The following TET2 variants were observed in gnomAD, a reference collection of about 807,000 sequenced individuals.
TET2 encodes methylcytosine dioxygenase TET2.
A neutral mutation model predicts 142.9 loss-of-function variants in TET2; 299 were observed. That is an observed-to-expected ratio of 2.09 (90% CI 1.90 to 2.30). TET2 has a LOEUF of 2.30. Ranked by LOEUF, TET2 falls within the 30% of genes most tolerant of loss-of-function variation. The probability of loss-of-function intolerance (pLI) is 0.00; values close to 1 mark genes in which losing one functional copy is unlikely to be tolerated. For missense variants in TET2, 2,418 were observed against 2,378.0 expected (o/e 1.02, Z -0.35); for synonymous variants, 819 against 849.0 (o/e 0.96, Z 0.61).
At chr4:105,224,667 A>G (rs1026119462) in intron 2 of TET2, among the ~76,000 whole-genome samples, 2 of 140,654 alleles carry the variant, frequency 1.4e-5, no homozygotes, top group African/African-American at 5.4e-5. Flanking sequence ...AGGTTAACAT[A>G]ATTGACATAT....
chr4:105,212,320 G>T (rs1727218761), intron 2 of TET2, among the ~76,000 whole-genome samples: 1 of 152,158 alleles, frequency 6.6e-6, no homozygotes, highest in South Asian at 2.1e-4. Flanking sequence ...TTGAGGTCCA[G>T]CAGACTTTCA....
intron 1 of TET2, among the ~76,000 whole-genome samples, chr4:105,171,095 G>A (rs1252704164): frequency 6.6e-6 from 1 of 151,924 alleles, no homozygotes; most frequent in Non-Finnish European, 1.5e-5. Flanking sequence ...AGTGTTTTGA[G>A]TGCAGTTTTC....
chr4:105,173,718 G>T (rs1412002023), intron 1 of TET2, among the ~76,000 whole-genome samples: 2 of 152,114 alleles, frequency 1.3e-5, no homozygotes, highest in African/African-American at 4.8e-5. Flanking sequence ...AGCAAATGCA[G>T]GCCAGGAACC....
chr4:105,205,521 A>G lies in TET2; in HGVS notation c.-47+15016A>G, dbSNP rs141220753. On this transcript the variant is annotated intron_variant, in intron 2 of 10. Coordinates refer to ENST00000380013, the MANE Select transcript of TET2 (RefSeq NM_001127208.3). ...TTTAGTTGAAGTCCCCCCCAACCCA[A>G]TAGGTACTATTCTGATTTGTTCTCC... Among the ~76,000 whole-genome samples the G allele has an allele frequency of 6.1e-4, 93 of 152,280 alleles. 2 individuals are homozygous for G. Among genetic ancestry groups the G allele is most frequent in the African/African-American group, 2.1e-3 (89 of 41,576 alleles).
chr4:105,238,143 A>G, intron 3 of TET2: 1 of 221,212 alleles, frequency 4.5e-6, no homozygotes, highest in South Asian at 1.9e-4. Flanking sequence ...TCTAAAAAAT[A>G]TATACTTTAA....
At chr4:105,247,511 C>T (rs1387603079) in intron 6 of TET2, among the ~76,000 whole-genome samples, 2 of 152,118 alleles carry the variant, frequency 1.3e-5, no homozygotes, top group African/African-American at 4.8e-5. Flanking sequence ...CTGTGATTCA[C>T]AAGCCTCTTT....
At position 105,278,179 on chromosome 4, in the gene TET2, TATATATATATATATATATATATA is replaced by T. The variant is rs1731305970; in HGVS notation, c.*1661_*1683del. ...AAAAAATTAAATATATACATATATA[TATATATATATATATATATATATA>T]TGAGTTTGAAGCAGAATTCACATCA... On this transcript the variant is annotated 3_prime_UTR_variant, in exon 11 of 11. Transcript: ENST00000380013. The T allele has an allele frequency of 6.5e-6, 1 of 153,466 alleles. No homozygotes were observed. Among genetic ancestry groups the T allele is most frequent in the African/African-American group, 2.7e-5 (1 of 36,998 alleles). The allele number at this position is 153,466 out of a possible 1,614,324, so 9.5% of individuals were successfully genotyped here.
intron 1 of TET2, among the ~76,000 whole-genome samples, chr4:105,177,169 A>G (rs1232207473): frequency 1.3e-5 from 2 of 152,234 alleles, no homozygotes; most frequent in Admixed American, 1.3e-4. Context: ...CAGAACTATA[A>G]AACTCCCAGA....
Position 105,198,103 on chromosome 4 carries a change from G to A in TET2, c.-47+7598G>A, listed in dbSNP as rs141552377. On this transcript the variant is annotated intron_variant, in intron 2 of 10. Coordinates refer to ENST00000380013, the MANE Select transcript of TET2 (RefSeq NM_001127208.3). ...TGTAATCCCAGCAATTTGGGAGGCC[G>A]AGGCGGGTGGATCACCTGAGGTCAA... 9.0e-3 allele frequency among the ~76,000 whole-genome samples: 1,366 copies of A among 152,208 alleles called. 15 individuals carry two copies. The highest frequency in any genetic ancestry group is 0.031 in the African/African-American group (1,267 of 41,516).
intron 2 of TET2, among the ~76,000 whole-genome samples, chr4:105,220,922 ACTT>A (rs139100435): frequency 0.02 from 2,977 of 152,180 alleles, 55 homozygotes; most frequent in African/African-American, 0.047. Context: ...AGCCTAAACA[ACTT>A]CTGCAATTTT....
At chr4:105,272,978 A>T in intron 10 of TET2, 60 bp downstream of exon 10, 3 of 1,395,468 alleles carry the variant, frequency 2.1e-6, no homozygotes, top group Non-Finnish European at 2.9e-6. Context: ...AAAAATGAAA[A>T]TTATTTTGGT....
At chr4:105,209,829 A>T (rs1727055142) in intron 2 of TET2, among the ~76,000 whole-genome samples, 1 of 152,164 alleles carries the variant, frequency 6.6e-6, no homozygotes, top group South Asian at 2.1e-4. Context: ...ATTGGGCTTC[A>T]GTATGAATAG....
intron 6 of TET2, among the ~76,000 whole-genome samples, chr4:105,254,754 A>C (rs542698429): frequency 1.3e-5 from 2 of 152,220 alleles, no homozygotes; most frequent in South Asian, 4.1e-4. Context: ...GGTATATGGC[A>C]TTTTCAAAAA....
In TET2 at chr4:105,279,668, G is replaced by A. The variant is rs1230899392; in HGVS notation, c.*3149G>A. 2 of 230,774 alleles carry A rather than the reference G, an allele frequency of 8.7e-6. No individual in the cohort carries two copies. 14.3% of individuals were successfully genotyped at this position (230,774 alleles called of 1,614,324 possible). A position where few individuals can be genotyped will look rare whatever the true frequency, so the allele number is the denominator to read the frequency against. On this transcript the variant is annotated 3_prime_UTR_variant, in exon 11 of 11. Transcript: ENST00000380013. ...ATGAGATGTTTGGTTTATAAGATCT[G>A]AGGATGGTTATAAATACTGTAAGTA...
intron 1 of TET2, among the ~76,000 whole-genome samples, chr4:105,162,069 T>A (rs1002122828): frequency 6.6e-6 from 1 of 152,206 alleles, no homozygotes; most frequent in African/African-American, 2.4e-5. Context: ...CCCTAATATG[T>A]TGAAAGTGCA....
At position 105,243,609 on chromosome 4, in the gene TET2, T is replaced by C. The variant is rs2110254694; in HGVS notation, c.3634T>C (p.Leu1212=). 1 of 1,551,646 alleles carries C rather than the reference T, an allele frequency of 6.4e-7. No individual in the cohort carries two copies. Among genetic ancestry groups the C allele is most frequent in the South Asian group, 1.2e-5 (1 of 84,064 alleles). Residue 1212 remains leucine (L), a synonymous_variant, in exon 6 of 11, where the codon TTG becomes CTG. Transcript: ENST00000380013. ...CAGCAGTGAAGAGAAGCTACTGTGTTTGGTGCGGGAGCGAGCTGGCCACAC... is the reference window on the plus strand; with the variant it reads ...CAGCAGTGAAGAGAAGCTACTGTGTCTGGTGCGGGAGCGAGCTGGCCACAC... ...RSSSEEKLLC[L]VRERAGHTCE... is the part of the protein sequence containing the mutation.
At chr4:105,264,288 T>G (rs1477111979) in intron 8 of TET2, among the ~76,000 whole-genome samples, 2 of 152,172 alleles carry the variant, frequency 1.3e-5, no homozygotes, top group East Asian at 3.8e-4. Context: ...TAAGGAGTGC[T>G]TTGATACTGT....
At chr4:105,215,208 C>T (rs889096476) in intron 2 of TET2, among the ~76,000 whole-genome samples, 3 of 152,060 alleles carry the variant, frequency 2.0e-5, no homozygotes, top group Non-Finnish European at 4.4e-5. Flanking sequence ...CCTACACAGC[C>T]ATAGGCAGTG....
At chr4:105,162,303 C>T (rs1243703877) in intron 1 of TET2, among the ~76,000 whole-genome samples, 1 of 152,146 alleles carries the variant, frequency 6.6e-6, no homozygotes, top group Non-Finnish European at 1.5e-5. Flanking sequence ...ATTCTGAAGC[C>T]TGCAGTTGTT....
Sources: gnomAD v4.1 joint callset for allele counts (sites outside exome capture counted in the v4.1 genomes callset) on GRCh38, gnomAD v4.1.1 for gene constraint, MANE v1.5 for transcripts, NCBI Gene and HGNC (gene_info 2026-07-23, HGNC 2026-07-21) for gene names.